NBEA: variants seen among roughly 807,000 people sequenced by gnomAD.
The protein encoded by NBEA is neurobeachin.
In NBEA, 44 loss-of-function variants were observed where a neutral mutation model predicts 343.4. The observed-to-expected ratio is 0.13, with a 90% CI of 0.10 to 0.16. The LOEUF is 0.16. Ranked by LOEUF, NBEA falls within the 10% of genes least tolerant of loss-of-function variation. NBEA has a pLI of 1.00. For missense variants in NBEA, 2,555 were observed against 3,631.3 expected (o/e 0.70, Z 7.62); for synonymous variants, 1,175 against 1,238.7 (o/e 0.95, Z 1.08).
chr13:34,952,475 T>C (rs1463093994), intron 1 of NBEA, among the ~76,000 whole-genome samples: 1 of 152,198 alleles, frequency 6.6e-6, no homozygotes, highest in African/African-American at 2.4e-5. Context: ...TGTGGATACT[T>C]GAGGGATTAC....
chr13:35,405,578 A>T (rs1367145979), intron 38 of NBEA, among the ~76,000 whole-genome samples: 2 of 152,174 alleles, frequency 1.3e-5, no homozygotes, highest in East Asian at 3.8e-4. Flanking sequence ...CTAATAAGAC[A>T]TCTTTAATAT....
chr13:35,220,826 C>A (rs556598426), intron 33 of NBEA, among the ~76,000 whole-genome samples: 1 of 152,194 alleles, frequency 6.6e-6, no homozygotes, highest in African/African-American at 2.4e-5. Context: ...CCATTTTATC[C>A]TTCTGTTAGA....
intron 49 of NBEA, among the ~76,000 whole-genome samples, chr13:35,644,503 C>A (rs1352700419): frequency 6.6e-6 from 1 of 152,180 alleles, no homozygotes; most frequent in Non-Finnish European, 1.5e-5. Context: ...TTTAAAGGCT[C>A]CCTACTAAGT....
At chr13:35,194,962 G>A (rs1002484518) in intron 30 of NBEA, among the ~76,000 whole-genome samples, 4 of 151,964 alleles carry the variant, frequency 2.6e-5, no homozygotes, top group African/African-American at 2.4e-5. Context: ...TATAGGCCTT[G>A]TCCTTGAGGA....
At chr13:34,947,148 T>C (rs1166771237) in intron 1 of NBEA, among the ~76,000 whole-genome samples, 1 of 152,062 alleles carries the variant, frequency 6.6e-6, no homozygotes, top group African/African-American at 2.4e-5. Flanking sequence ...TGATTGGGTA[T>C]GGAAAATAAA....
chr13:35,025,772 A>G (rs140416508), intron 1 of NBEA, among the ~76,000 whole-genome samples: 445 of 152,192 alleles, frequency 2.9e-3, no homozygotes, highest in Non-Finnish European at 5.0e-3. Context: ...GCTATCGCTT[A>G]CATTTTCTTC....
chr13:35,533,900 A>C (rs4143551), intron 41 of NBEA, among the ~76,000 whole-genome samples: 31,453 of 152,176 alleles, frequency 0.21, 4,086 homozygotes, highest in East Asian at 0.43. Context: ...TGAAACACAG[A>C]AATAACCTCT....
chr13:35,131,062 T>G (rs945924184), intron 17 of NBEA, among the ~76,000 whole-genome samples: 1 of 152,100 alleles, frequency 6.6e-6, no homozygotes, highest in Admixed American at 6.5e-5. Flanking sequence ...TTCTCGGTTA[T>G]GCTTACCTCA....
chr13:35,490,851 A>G (rs1044327089), intron 41 of NBEA, among the ~76,000 whole-genome samples: 2 of 151,910 alleles, frequency 1.3e-5, no homozygotes, highest in African/African-American at 4.8e-5. Flanking sequence ...AAGTTCACAA[A>G]GCTAGGAGTT....
At chr13:35,632,164 G>T (rs1490071615) in intron 49 of NBEA, among the ~76,000 whole-genome samples, 5 of 151,976 alleles carry the variant, frequency 3.3e-5, no homozygotes, top group African/African-American at 1.2e-4. Flanking sequence ...TTTCTTATCG[G>T]TTTTTATATA....
At chr13:35,024,492 C>G (rs191482625) in intron 1 of NBEA, among the ~76,000 whole-genome samples, 1 of 151,390 alleles carries the variant, frequency 6.6e-6, no homozygotes, top group Non-Finnish European at 1.5e-5. Context: ...ACCAACCTGG[C>G]GAAACTTTGT....
intron 41 of NBEA, among the ~76,000 whole-genome samples, chr13:35,514,114 GA>G (rs936198308): frequency 3.7e-4 from 50 of 135,494 alleles, no homozygotes; most frequent in East Asian, 6.3e-4. Context: ...TACTCCTTTA[GA>G]AAAAAAAAAA....
At chr13:35,550,715 C>G (rs1244829595) in intron 42 of NBEA, 121 bp downstream of exon 42, 1 of 692,412 alleles carries the variant, frequency 1.4e-6, no homozygotes, top group African/African-American at 1.8e-5. Flanking sequence ...CTTAAACAAA[C>G]AGAAATTCTT....
chr13:35,123,081 C>G (rs1478206346), intron 16 of NBEA, among the ~76,000 whole-genome samples: 3 of 152,176 alleles, frequency 2.0e-5, no homozygotes, highest in Non-Finnish European at 4.4e-5. Flanking sequence ...CGTTTAAACT[C>G]AGGAGTTCCA....
At chr13:35,612,293 C>T (rs541635574) in intron 48 of NBEA, among the ~76,000 whole-genome samples, 7 of 152,004 alleles carry the variant, frequency 4.6e-5, no homozygotes, top group South Asian at 2.1e-4. Flanking sequence ...CCACCACGCC[C>T]GGCTAATTTT....
Position 35,145,881 on chromosome 13 carries a change from A to G in NBEA, c.2445+3504A>G, listed in dbSNP as rs9592945. On this transcript the variant is annotated intron_variant, in intron 18 of 58. Transcript: ENST00000379939. Reference sequence around the variant, plus strand: ...GTTTTTGGACAGGGAGGACAGGACTATTACAAAGAGACTGACATGGAACTG... The same window carrying G: ...GTTTTTGGACAGGGAGGACAGGACTGTTACAAAGAGACTGACATGGAACTG... Among the ~76,000 whole-genome samples, 1,139 of 152,266 alleles carry G rather than the reference A, an allele frequency of 7.5e-3. 4 individuals are homozygous for G. Among genetic ancestry groups the G allele is most frequent in the Non-Finnish European group, 0.012 (791 of 68,008 alleles).
intron 40 of NBEA, among the ~76,000 whole-genome samples, chr13:35,455,647 G>T (rs982645549): frequency 1.3e-5 from 2 of 152,028 alleles, no homozygotes; most frequent in Admixed American, 6.6e-5. Flanking sequence ...AATGGATATG[G>T]TGAGCTTCTC....
At chr13:35,449,400 G>A (rs1261331098) in intron 39 of NBEA, among the ~76,000 whole-genome samples, 1 of 152,188 alleles carries the variant, frequency 6.6e-6, no homozygotes, top group African/African-American at 2.4e-5. Flanking sequence ...GAATTCCTAG[G>A]TTTCTGCTAA....
chr13:35,073,822 G>T (rs1345130332), intron 10 of NBEA, among the ~76,000 whole-genome samples: 1 of 151,966 alleles, frequency 6.6e-6, no homozygotes, highest in South Asian at 2.1e-4. Flanking sequence ...TGCACCTGTA[G>T]CCCCAGCTAC....
Sources: gnomAD v4.1 joint callset for allele counts (sites outside exome capture counted in the v4.1 genomes callset) on GRCh38, gnomAD v4.1.1 for gene constraint, MANE v1.5 for transcripts, NCBI Gene and HGNC (gene_info 2026-07-23, HGNC 2026-07-21) for gene names.